The following LRRTM4 variants were observed in gnomAD, a reference collection of about 807,000 sequenced individuals.
LRRTM4 encodes the protein leucine-rich repeat transmembrane neuronal protein 4.
Under a neutral mutation model 47.6 loss-of-function variants are expected in LRRTM4, and 25 were observed. The ratio of observed to expected loss-of-function variants is 0.53; its 90% confidence interval spans 0.38 to 0.73. LRRTM4 has a LOEUF of 0.73. LRRTM4 is among the 30% of genes least tolerant of loss of function. LRRTM4 has a pLI of 0.00. For missense variants in LRRTM4, 638 were observed against 713.4 expected, an observed-to-expected ratio of 0.89 and a Z score of 1.20; for synonymous variants, 311 against 269.5, an observed-to-expected ratio of 1.15 and a Z score of -1.51.
intron 3 of LRRTM4, among the ~76,000 whole-genome samples, chr2:77,062,045 T>A (rs1398431335): frequency 6.6e-6 from 1 of 152,144 alleles, no homozygotes; most frequent in Non-Finnish European, 1.5e-5. Context: ...TTGTGACAAA[T>A]GTGTCCGGGG....
intron 3 of LRRTM4, among the ~76,000 whole-genome samples, chr2:76,963,744 C>A (rs1675937476): frequency 6.6e-6 from 1 of 150,712 alleles, no homozygotes; most frequent in Non-Finnish European, 1.5e-5. Context: ...GGTCCCTTGA[C>A]ATATTGTTTA....
chr2:76,781,631 C>T (rs939570802), intron 3 of LRRTM4, among the ~76,000 whole-genome samples: 8 of 152,220 alleles, frequency 5.3e-5, no homozygotes, highest in Admixed American at 5.2e-4. Context: ...GGTGCGCGCA[C>T]CCACTGACCT....
At chr2:77,056,609 T>C (rs141911293) in intron 3 of LRRTM4, among the ~76,000 whole-genome samples, 2 of 152,126 alleles carry the variant, frequency 1.3e-5, no homozygotes, top group African/African-American at 4.8e-5. Flanking sequence ...CATAAAGTAA[T>C]AGTACAGTAA....
chr2:76,816,561 ATTTTT>A (rs1308168907), intron 3 of LRRTM4, among the ~76,000 whole-genome samples: 2 of 151,732 alleles, frequency 1.3e-5, no homozygotes, highest in South Asian at 2.1e-4. Context: ...TTTATTTTTT[ATTTTT>A]TTATTTTTTT....
At chr2:77,210,914 T>C (rs1160127047) in intron 3 of LRRTM4, among the ~76,000 whole-genome samples, 1 of 152,116 alleles carries the variant, frequency 6.6e-6, no homozygotes, top group Non-Finnish European at 1.5e-5. Context: ...TACAGGAAGC[T>C]CTGCTGAGCA....
intron 3 of LRRTM4, among the ~76,000 whole-genome samples, chr2:77,383,732 G>A (rs1673151519): frequency 6.6e-6 from 1 of 152,008 alleles, no homozygotes; most frequent in Non-Finnish European, 1.5e-5. Flanking sequence ...GCTTGCTCAA[G>A]TTCACACAGC....
intron 3 of LRRTM4, chr2:77,517,444 C>A: frequency 1.0e-6 from 1 of 985,024 alleles, no homozygotes; most frequent in African/African-American, 1.7e-5. Context: ...TACTGACAAA[C>A]AGTCCCTGTT....
chr2:77,290,542 A>C (rs900107516), intron 3 of LRRTM4, among the ~76,000 whole-genome samples: 1 of 152,028 alleles, frequency 6.6e-6, no homozygotes. Flanking sequence ...CAAAATAACT[A>C]AAAGAAAAAA....
chr2:77,197,966 G>A (rs1673874776), intron 3 of LRRTM4, among the ~76,000 whole-genome samples: 1 of 152,104 alleles, frequency 6.6e-6, no homozygotes, highest in African/African-American at 2.4e-5. Flanking sequence ...TCCTGCTTAA[G>A]AGACAAAGAA....
At chr2:77,012,235 G>A (rs1677901113) in intron 3 of LRRTM4, among the ~76,000 whole-genome samples, 1 of 151,804 alleles carries the variant, frequency 6.6e-6, no homozygotes, top group South Asian at 2.1e-4. Context: ...GTCAAAACTG[G>A]AATAATTCGT....
At chr2:76,751,760 G>A (rs1672857430) in intron 3 of LRRTM4, among the ~76,000 whole-genome samples, 1 of 152,002 alleles carries the variant, frequency 6.6e-6, no homozygotes, top group Admixed American at 6.6e-5. Flanking sequence ...TGGTGCCATG[G>A]GTCACTTATA....
intron 3 of LRRTM4, among the ~76,000 whole-genome samples, chr2:76,771,919 C>A (rs1266129059): frequency 3.3e-5 from 5 of 152,058 alleles, no homozygotes; most frequent in Non-Finnish European, 5.9e-5. Flanking sequence ...TGCAGTCCAG[C>A]GTTTCTCTTA....
intron 3 of LRRTM4, among the ~76,000 whole-genome samples, chr2:77,114,279 C>T (rs1179702459): frequency 6.6e-6 from 1 of 152,168 alleles, no homozygotes; most frequent in Non-Finnish European, 1.5e-5. Context: ...TTGTTCTACA[C>T]TTAAGGTTCC....
At chr2:76,840,268 A>G (rs1671633115) in intron 3 of LRRTM4, among the ~76,000 whole-genome samples, 1 of 152,216 alleles carries the variant, frequency 6.6e-6, no homozygotes, top group African/African-American at 2.4e-5. Context: ...ATGAAAATGC[A>G]AATAGGTTCT....
intron 3 of LRRTM4, among the ~76,000 whole-genome samples, chr2:76,915,323 A>G (rs1308755391): frequency 3.9e-5 from 6 of 152,182 alleles, no homozygotes; most frequent in African/African-American, 1.4e-4. Flanking sequence ...ATTGAGTCCT[A>G]CCAATCACAG....
intron 3 of LRRTM4, among the ~76,000 whole-genome samples, chr2:77,271,317 A>C (rs900188066): frequency 2.6e-5 from 4 of 152,068 alleles, no homozygotes; most frequent in African/African-American, 9.7e-5. Flanking sequence ...CTGCTAATAC[A>C]CCACCATCTA....
At chr2:77,045,388 T>C (rs1191606573) in intron 3 of LRRTM4, among the ~76,000 whole-genome samples, 3 of 152,040 alleles carry the variant, frequency 2.0e-5, no homozygotes, top group South Asian at 2.1e-4. Context: ...ATTCCAGGTA[T>C]CATGTCATTT....
intron 3 of LRRTM4, among the ~76,000 whole-genome samples, chr2:76,826,333 T>TA (rs970386142): frequency 6.6e-6 from 1 of 151,642 alleles, no homozygotes; most frequent in African/African-American, 2.4e-5. Context: ...ACAGCTGGTT[T>TA]TGAAGCTAGG....
At chr2:76,848,751 C>T (rs1465299859) in intron 3 of LRRTM4, among the ~76,000 whole-genome samples, 1 of 152,030 alleles carries the variant, frequency 6.6e-6, no homozygotes, top group African/African-American at 2.4e-5. Flanking sequence ...AAAAGTTTCT[C>T]TGATTAACAA....
Sources: allele counts gnomAD v4.1 joint callset (sites outside exome capture counted in the v4.1 genomes callset), GRCh38; gene constraint gnomAD v4.1.1; transcripts MANE v1.5; gene names NCBI Gene and HGNC (gene_info 2026-07-23, HGNC 2026-07-21).